Variants in MCF2 observed in about 807,000 individuals in gnomAD.
MCF2 encodes the protein proto-oncogene DBL.
A neutral mutation model predicts 82.5 loss-of-function variants in MCF2; 44 were observed. That is an observed-to-expected ratio of 0.53 (90% CI 0.42 to 0.69). The LOEUF is 0.69. Ranked by LOEUF, MCF2 falls within the 30% of genes least tolerant of loss-of-function variation. The pLI, the probability that MCF2 is intolerant of heterozygous loss-of-function variation, is 0.00. For synonymous variants in MCF2, 217 were observed against 224.9 expected (o/e 0.96, Z 0.32); for missense variants, 623 against 663.1 (o/e 0.94, Z 0.66).
At chrX:139,602,574 A>G (rs983075272) in intron 15 of MCF2, 76 bp from the exon 20 acceptor site, 9 of 661,252 alleles carry the variant, frequency 1.4e-5, no homozygotes, top group Non-Finnish European at 2.2e-5. Context: ...GCTAAACAAG[A>G]GTGTAACCAA....
chrX:139,633,755 A>C (rs770223135), intron 1 of MCF2, among the ~76,000 whole-genome samples: 1 of 111,538 alleles, frequency 9.0e-6, no homozygotes, highest in Non-Finnish European at 1.9e-5. Context: ...GGCTTTGGGA[A>C]GAACTGGATT....
At position 139,640,844 on chromosome X, in the gene MCF2, G is replaced by GA. The variant is rs768347787; in HGVS notation, c.51+1623dup. 5.1e-3 allele frequency among the ~76,000 whole-genome samples: 552 copies of GA among 107,325 alleles called. 6 individuals carry two copies. Among genetic ancestry groups the GA allele is most frequent in the African/African-American group, 0.016 (466 of 29,614 alleles). 93.2% of individuals were successfully genotyped at this position (107,325 alleles called of 115,157 possible). ...TACATATCACTTAATTCATTTATGAGAAAAAAAAACACAGGAAAGAATCAA... is the reference window on the plus strand; with the variant it reads ...TACATATCACTTAATTCATTTATGAGAAAAAAAAAACACAGGAAAGAATCAA... On this transcript the variant is annotated intron_variant, in intron 1 of 24. Coordinates refer to ENST00000370576, the Ensembl canonical transcript of MCF2.
chrX:139,606,678 T>C (rs1264371182), intron 12 of MCF2, among the ~76,000 whole-genome samples: 1 of 112,240 alleles, frequency 8.9e-6, no homozygotes, highest in Non-Finnish European at 1.9e-5. Context: ...AATAATTTTG[T>C]TTACTGTCTC....
At chrX:139,583,631 A>C (rs1418248409) in intron 24 of MCF2, among the ~76,000 whole-genome samples, 3 of 111,437 alleles carry the variant, frequency 2.7e-5, no homozygotes, top group Non-Finnish European at 5.6e-5. Context: ...GAAGGGCTGA[A>C]AAACTACATG....
intron 7 of MCF2, 148 bp downstream of exon 10, chrX:139,619,439 C>T (rs1438695974): frequency 2.0e-5 from 7 of 347,424 alleles, no homozygotes; most frequent in African/African-American, 2.8e-5. Flanking sequence ...AAAGAACTTA[C>T]TCATATAACC....
chrX:139,621,188 A>G (rs1932327794), intron 6 of MCF2, among the ~76,000 whole-genome samples: 1 of 111,774 alleles, frequency 8.9e-6, no homozygotes, highest in African/African-American at 3.2e-5. Flanking sequence ...ACCATATATA[A>G]CAATTAACTA....
upstream of MCF2, among the ~76,000 whole-genome samples, chrX:139,647,076 T>C (rs772853807): frequency 3.6e-5 from 4 of 111,784 alleles, no homozygotes; most frequent in African/African-American, 1.3e-4. Context: ...GTTTAAAAGG[T>C]GGCAGAGTAG....
intron 1 of MCF2, among the ~76,000 whole-genome samples, chrX:139,636,805 C>G (rs911859333): frequency 1.8e-5 from 2 of 111,684 alleles, no homozygotes; most frequent in African/African-American, 6.5e-5. Flanking sequence ...TGCTCATAAG[C>G]TAGGGATTTT....
intron 19 of MCF2, among the ~76,000 whole-genome samples, chrX:139,590,292 G>T (rs771354116): frequency 9.0e-6 from 1 of 110,794 alleles, no homozygotes; most frequent in South Asian, 3.9e-4. Flanking sequence ...AAAAGCCACT[G>T]AAAATTAATT....
chrX:139,624,882 T>A (rs1404192843), intron 6 of MCF2, among the ~76,000 whole-genome samples: 2 of 111,184 alleles, frequency 1.8e-5, no homozygotes, highest in African/African-American at 6.5e-5. Flanking sequence ...TACACTCAAA[T>A]GGGTCAGAAA....
intron 24 of MCF2, among the ~76,000 whole-genome samples, chrX:139,583,382 TAG>T (rs1491382736): frequency 8.9e-6 from 1 of 111,942 alleles, no homozygotes; most frequent in Non-Finnish European, 1.9e-5. Context: ...TAAATATCAA[TAG>T]ATGTAACCTA....
intron 1 of MCF2, chrX:139,691,884 G>C: frequency 1.8e-6 from 2 of 1,137,538 alleles, no homozygotes; most frequent in Non-Finnish European, 2.4e-6. Flanking sequence ...GCCCGAGGCC[G>C]CCGGGGAGGA....
At chrX:139,657,449 G>T (rs905523705) in intron 1 of MCF2, among the ~76,000 whole-genome samples, 2 of 112,210 alleles carry the variant, frequency 1.8e-5, no homozygotes, top group African/African-American at 3.2e-5. Context: ...TTGTAAAAAT[G>T]CAGAACATGG....
upstream of MCF2, chrX:139,645,454 A>G (rs925988794): frequency 2.2e-5 from 9 of 412,087 alleles, no homozygotes; most frequent in African/African-American, 1.8e-4. Context: ...CCCTCCTCAC[A>G]TTCCATCAAT....
At chrX:139,605,027 T>G in intron 13 of MCF2, 43 bp from the exon 18 acceptor site, 1 of 742,443 alleles carries the variant, frequency 1.3e-6, no homozygotes, top group Non-Finnish European at 2.0e-6. Context: ...AATAATTACA[T>G]GCACATTTGG....
chrX:139,616,718 T>C (rs1931942923), intron 8 of MCF2, among the ~76,000 whole-genome samples: 1 of 110,628 alleles, frequency 9.0e-6, no homozygotes, highest in Admixed American at 9.7e-5. Flanking sequence ...ACAGCCGAGG[T>C]TGGGAAACAC....
rs760988730 is a variant in MCF2 at position 139,627,388 on chromosome X, C to G, written c.439-632G>C. The stretch of plus-strand genomic sequence containing the variant: ...AATCCTTAATTGTTACCAATCACTC[C>G]CTGCCTTAAGTCTTATTTTACTTCA... On this transcript the variant is annotated intron_variant, in intron 4 of 24. Coordinates refer to ENST00000370576, the Ensembl canonical transcript of MCF2. Among the ~76,000 whole-genome samples, 4 of 112,165 alleles carry G rather than the reference C, an allele frequency of 3.6e-5. No homozygotes were observed. The East Asian group carries it at 1.1e-3, about 31-fold the overall frequency.
At chrX:139,683,410 TA>T (rs1935048991) in intron 1 of MCF2, among the ~76,000 whole-genome samples, 1 of 112,586 alleles carries the variant, frequency 8.9e-6, no homozygotes, top group African/African-American at 3.2e-5. Flanking sequence ...AGGTACTTCC[TA>T]AATTCATCTA....
chrX:139,605,894 T>G, intron 12 of MCF2, 115 bp from the exon 17 acceptor site: 1 of 520,235 alleles, frequency 1.9e-6, no homozygotes. Flanking sequence ...GAATTATCAA[T>G]GGTTTTCGTT....
Sources: gnomAD v4.1 joint callset for allele counts (sites outside exome capture counted in the v4.1 genomes callset) on GRCh38, gnomAD v4.1.1 for gene constraint, MANE v1.5 for transcripts, NCBI Gene and HGNC (gene_info 2026-07-23, HGNC 2026-07-21) for gene names.